SGO2: variants seen among roughly 807,000 people sequenced by gnomAD.
SGO2 encodes shugoshin 2, also known as shugoshin-like 2.
SGO2 carries 68 observed loss-of-function variants against 99.5 expected under a neutral mutation model. The ratio of observed to expected loss-of-function variants is 0.68; its 90% CI spans 0.56 to 0.84. The LOEUF is 0.84. SGO2 is among the 40% of genes least tolerant of loss of function. The pLI, the probability that SGO2 is intolerant of heterozygous loss-of-function variation, is 0.00. For missense variants in SGO2, 1,350 were observed against 1,436.7 expected (o/e 0.94, Z 0.97); for synonymous variants, 457 against 487.1 (o/e 0.94, Z 0.81).
chr2:200,532,939 A>G (rs1177464952), intron 1 of SGO2, 35 bp from the exon 2 acceptor site: 1 of 1,586,918 alleles, frequency 6.3e-7, no homozygotes. Context: ...TTCTTTTATT[A>G]ATCAATACTA....
Position 200,571,182 on chromosome 2 carries a change from C to G in SGO2, c.836C>G (p.Ser279Cys), listed in dbSNP as rs1559215386. 6.2e-7 allele frequency: 1 copy of G among 1,613,684 alleles called. No individual in the cohort carries two copies. Reference protein sequence around the residue: ...NVTERKKRGSSWESNNLSADT... With the variant: ...NVTERKKRGSCWESNNLSADT... ...ACTGAAAGGAAGAAGCGTGGGTCAT[C>G]TTGGGAATCAAATAATCTTTCTGCA... is the stretch of plus-strand genomic sequence containing the variant. The change falls in exon 7 of 9, where the codon TCT becomes TGT. Residue 279 changes from serine to cysteine, a missense_variant. Physicochemically the swap from Ser to Cys is moderately radical, Grantham distance 112 (BLOSUM62 -1). Coordinates refer to ENST00000357799, the MANE Select transcript of SGO2 (RefSeq NM_152524.6).
In SGO2 at chr2:200,571,696, T is replaced by A. The variant is rs1187645380; in HGVS notation, c.1350T>A (p.Phe450Leu). Residue 450 changes from phenylalanine (F) to leucine (L), a missense_variant, in exon 7 of 9, where the codon TTT becomes TTA. Coordinates refer to ENST00000357799, the MANE Select transcript of SGO2 (RefSeq NM_152524.6). ...DGKRGAEDPG[F>L]IFNNEQLAQM... is the part of the protein sequence containing the mutation. ...AAAGGGGTGCAGAAGATCCCGGTTT[T>A]ATTTTCAATAATGAACAGCTGGCTC... 1.2e-6 allele frequency: 2 copies of A among 1,613,826 alleles called. No homozygotes were observed. Among genetic ancestry groups the A allele is most frequent in the South Asian group, 2.2e-5 (2 of 91,060 alleles).
At position 200,571,096 on chromosome 2, in the gene SGO2, TGA is replaced by T; in HGVS notation, c.753_754del (p.Glu251AspfsTer17). The T allele has an allele frequency of 6.2e-7, 1 of 1,611,064 alleles. No homozygotes were observed. Among genetic ancestry groups the T allele is most frequent in the Non-Finnish European group, 8.5e-7 (1 of 1,178,822 alleles). On this transcript the variant is annotated frameshift_variant, in exon 7 of 9. Transcript: ENST00000357799. LOFTEE classifies it high-confidence loss of function. Reference protein sequence around the residue: ...DQSSKTSLMSEMRNAQSIGRR... With the variant: ...DQSSKTSLMSXMRNAQSIGRR... The stretch of plus-strand genomic sequence containing the variant: ...AAAGTTCTAAGACTTCTCTAATGAG[TGA>T]GATGAGAAACGCCCAGTCTATTGGC...
chr2:200,569,119 CAA>C (rs2033298860), intron 5 of SGO2, among the ~76,000 whole-genome samples: 1 of 151,980 alleles, frequency 6.6e-6, no homozygotes. Flanking sequence ...TCTTTGAATT[CAA>C]ATATGTCAGT....
At chr2:200,555,370 A>C (rs2032663996) in intron 5 of SGO2, among the ~76,000 whole-genome samples, 1 of 152,200 alleles carries the variant, frequency 6.6e-6, no homozygotes. Flanking sequence ...TATTTCAAGC[A>C]TACACTTTCT....
Position 200,535,064 on chromosome 2 carries a change from G to C in SGO2, c.202G>C (p.Glu68Gln). 1 of 1,562,510 alleles carries C rather than the reference G, an allele frequency of 6.4e-7. No homozygotes were observed. ...GGCATTAGCTCAGGCTCTTAGTAGA[G>C]AAAAAGAGAATTCTCGAAGAATTAC... ...NRALAQALSR[E>Q]KENSRRITTE... The change falls in exon 3 of 9, where the codon GAA becomes CAA. Residue 68 changes from glutamate (E) to glutamine (Q), a missense_variant. Coordinates refer to ENST00000357799, the MANE Select transcript of SGO2 (RefSeq NM_152524.6).
At chr2:200,550,991 CA>C (rs55848114) in intron 5 of SGO2, among the ~76,000 whole-genome samples, 2,439 of 138,888 alleles carry the variant, frequency 0.018, 29 homozygotes, top group Non-Finnish European at 0.028. Context: ...AACTAAGTAG[CA>C]AAAAAAAAAA....
intron 5 of SGO2, among the ~76,000 whole-genome samples, chr2:200,558,423 A>G (rs1397252704): frequency 6.6e-6 from 1 of 151,896 alleles, no homozygotes; most frequent in Non-Finnish European, 1.5e-5. Context: ...AATGTTATGA[A>G]TTTTTAAATA....
At chr2:200,578,202 T>C (rs1318537517) in intron 8 of SGO2, among the ~76,000 whole-genome samples, 1 of 45,398 alleles carries the variant, frequency 2.2e-5, no homozygotes, top group Non-Finnish European at 5.7e-5. Context: ...GGTATCTCTT[T>C]TGTTCTATAG....
intron 5 of SGO2, among the ~76,000 whole-genome samples, chr2:200,544,804 A>G (rs573065475): frequency 2.0e-5 from 3 of 152,210 alleles, no homozygotes; most frequent in African/African-American, 7.2e-5. Flanking sequence ...ATTACTAACA[A>G]TATATGAGGA....
rs2033903773 is a variant in SGO2 at position 200,583,519 on chromosome 2, CAG to C, written c.*57_*58del. On this transcript the variant is annotated 3_prime_UTR_variant, in exon 9 of 9. Coordinates refer to ENST00000357799, the MANE Select transcript of SGO2 (RefSeq NM_152524.6). ...ATTTTCAAAGCATAAGGAATCAAAA[CAG>C]AAATATAGTATCAAGAAGATGAAAT... 9.4e-6 allele frequency: 14 copies of C among 1,490,852 alleles called. No homozygotes were observed. The highest frequency in any genetic ancestry group is 1.3e-5 in the Non-Finnish European group (14 of 1,096,134). 92.4% of individuals were successfully genotyped at this position (1,490,852 alleles called of 1,614,324 possible).
At chr2:200,575,191 C>A in intron 7 of SGO2, 120 bp from the exon 8 acceptor site, 1 of 515,526 alleles carries the variant, frequency 1.9e-6, no homozygotes, top group Non-Finnish European at 3.2e-6. Flanking sequence ...TCTTTCCTCT[C>A]AAAATTGAAT....
chr2:200,573,861 T>G lies in SGO2; in HGVS notation c.3515T>G (p.Ile1172Arg). 6.2e-7 allele frequency: 1 copy of G among 1,613,248 alleles called. No individual in the cohort carries two copies. The highest frequency in any genetic ancestry group is 8.5e-7 in the Non-Finnish European group (1 of 1,179,482). The change falls in exon 7 of 9, where the codon ATA becomes AGA. Residue 1172 changes from isoleucine (I) to arginine (R), a missense_variant. By Grantham distance (97) the Ile-to-Arg change is moderately conservative. Coordinates refer to ENST00000357799, the MANE Select transcript of SGO2 (RefSeq NM_152524.6). ...LSVSSGKNVI[I>R]KENFALECSP... The stretch of plus-strand genomic sequence containing the variant: ...GTTTCTTCTGGTAAAAATGTGATAA[T>G]AAAAGAAAATTTTGCCTTGGAGTGC...
At chr2:200,566,473 C>T (rs961891857) in intron 5 of SGO2, among the ~76,000 whole-genome samples, 2 of 152,176 alleles carry the variant, frequency 1.3e-5, no homozygotes, top group African/African-American at 4.8e-5. Flanking sequence ...AGGTGTCAGT[C>T]GGTCCCTACT....
At position 200,535,144 on chromosome 2, in the gene SGO2, A is replaced by T. The variant is rs1477915559; in HGVS notation, c.282A>T (p.Thr94=). 1 of 1,531,424 alleles carries T rather than the reference A, an allele frequency of 6.5e-7. No homozygotes were observed. The highest frequency in any genetic ancestry group is 2.5e-5 in the East Asian group (1 of 39,396). The allele number at this position is 1,531,424 out of a possible 1,614,324, so 94.9% of individuals were successfully genotyped here. The change falls in exon 3 of 9, where the codon ACA becomes ACT. Residue 94 remains threonine, a synonymous_variant. Coordinates refer to ENST00000357799, the MANE Select transcript of SGO2 (RefSeq NM_152524.6). Reference sequence around the variant, plus strand: ...TAGAGAAACTGAATTTTGAGAACACATTTCTTCGCCTAAAGCTAAATAACT... The same window carrying T: ...TAGAGAAACTGAATTTTGAGAACACTTTTCTTCGCCTAAAGCTAAATAACT... ...KEVEKLNFEN[T]FLRLKLNNLN...
At chr2:200,529,091 G>C (rs963718290) in intron 1 of SGO2, among the ~76,000 whole-genome samples, 4 of 152,162 alleles carry the variant, frequency 2.6e-5, no homozygotes, top group Admixed American at 2.0e-4. Flanking sequence ...ACTGGGAGGA[G>C]ATAAATTGGA....
intron 8 of SGO2, among the ~76,000 whole-genome samples, chr2:200,578,865 G>C (rs570914487): frequency 6.6e-6 from 1 of 152,180 alleles, no homozygotes; most frequent in South Asian, 2.1e-4. Context: ...TTGAATGTTT[G>C]TTGTTACAAA....
intron 5 of SGO2, among the ~76,000 whole-genome samples, chr2:200,562,042 CAGA>C (rs2032991621): frequency 6.6e-6 from 1 of 152,220 alleles, no homozygotes; most frequent in Admixed American, 6.5e-5. Context: ...TTTTGCTGTG[CAGA>C]AGCCCTTTAG....
At chr2:200,557,455 C>A (rs991028821) in intron 5 of SGO2, among the ~76,000 whole-genome samples, 14 of 152,134 alleles carry the variant, frequency 9.2e-5, no homozygotes, top group Non-Finnish European at 1.6e-4. Flanking sequence ...AGTATCATCC[C>A]TTCATGGTTT....
Sources: allele counts gnomAD v4.1 joint callset (sites outside exome capture counted in the v4.1 genomes callset), GRCh38; gene constraint gnomAD v4.1.1; transcripts MANE v1.5; gene names NCBI Gene and HGNC (gene_info 2026-07-23, HGNC 2026-07-21).